PIWIL2: variants seen among roughly 807,000 people sequenced by gnomAD.
PIWIL2 encodes piwi like RNA-mediated gene silencing 2.
In PIWIL2, 81 loss-of-function variants were observed where a neutral mutation model predicts 116.5. The ratio of observed to expected loss-of-function variants is 0.70; its 90% CI spans 0.58 to 0.84. PIWIL2 has a LOEUF of 0.84. PIWIL2 is among the 40% of genes least tolerant of loss of function. The probability of loss-of-function intolerance (pLI) is 0.00; values close to 1 mark genes in which losing one functional copy is unlikely to be tolerated. For synonymous variants in PIWIL2, 489 were observed against 429.5 expected (o/e 1.14, Z -1.71); for missense variants, 1,272 against 1,212.3 (o/e 1.05, Z -0.73).
intron 20 of PIWIL2, among the ~76,000 whole-genome samples, chr8:22,339,080 AAG>A (rs1350145907): frequency 1.3e-5 from 2 of 152,228 alleles, no homozygotes; most frequent in Non-Finnish European, 2.9e-5. Context: ...CGGTGGGGGA[AAG>A]AGTAATGTTT....
In PIWIL2 at chr8:22,340,478, A is replaced by G. The variant is rs148784043; in HGVS notation, c.2404-12481A>G. Among the ~76,000 whole-genome samples the G allele has an allele frequency of 1.2e-3, 185 of 152,078 alleles. 1 individual carries two copies. Among genetic ancestry groups the G allele is most frequent in the African/African-American group, 4.4e-3 (180 of 41,332 alleles). ...GCAGGGTCTTTGTAGATGTAATCAA[A>G]TTAAGATGAGGTAAGACCAGATTAG... On this transcript the variant is annotated intron_variant, in intron 20 of 22. Transcript: ENST00000356766.
chr8:22,337,662 G>A (rs747656475), intron 20 of PIWIL2, among the ~76,000 whole-genome samples: 19 of 151,918 alleles, frequency 1.3e-4, no homozygotes, highest in South Asian at 2.1e-4. Flanking sequence ...CCTGGGAGGC[G>A]GAGGTTGCAG....
intron 16 of PIWIL2, among the ~76,000 whole-genome samples, chr8:22,312,552 C>T (rs1831358788): frequency 6.6e-6 from 1 of 152,138 alleles, no homozygotes; most frequent in African/African-American, 2.4e-5. Flanking sequence ...AGGCGTGAGT[C>T]ACCATGCCCA....
chr8:22,301,237 C>T (rs570687502), intron 10 of PIWIL2, among the ~76,000 whole-genome samples: 34 of 152,172 alleles, frequency 2.2e-4, no homozygotes, highest in Non-Finnish European at 3.8e-4. Context: ...TCCTAAAGTG[C>T]CGGGATTACA....
intron 20 of PIWIL2, among the ~76,000 whole-genome samples, chr8:22,320,379 T>G (rs1831569978): frequency 1.4e-5 from 2 of 147,408 alleles, no homozygotes. Context: ...GCAATTCAAC[T>G]GCCTCAGCCT....
intron 16 of PIWIL2, among the ~76,000 whole-genome samples, chr8:22,312,478 C>G (rs979381886): frequency 6.6e-6 from 1 of 152,084 alleles, no homozygotes; most frequent in Admixed American, 6.6e-5. Flanking sequence ...GTTGCCCAGG[C>G]TGGTCTCGAG....
Position 22,281,510 on chromosome 8 carries a change from G to C in PIWIL2, c.420G>C (p.Trp140Cys). 1.3e-6 allele frequency: 2 copies of C among 1,570,120 alleles called. No homozygotes were observed. The highest frequency in any genetic ancestry group is 2.3e-5 in the East Asian group (1 of 43,766). ...AGATGGCAGAGACCTCCGTTGGTTG[G>C]AGTAGGTGGGTAAAGTTACCCTCTC... Reference protein sequence around the residue: ...DSKMAETSVGWSRTLGRGSSD... With the variant: ...DSKMAETSVGCSRTLGRGSSD... The change falls in exon 4 of 23, where the codon TGG becomes TGC. Residue 140 changes from tryptophan to cysteine, a missense_variant. Coordinates refer to ENST00000356766, the MANE Select transcript of PIWIL2 (RefSeq NM_018068.5).
intron 10 of PIWIL2, among the ~76,000 whole-genome samples, chr8:22,297,373 G>A (rs188533900): frequency 2.6e-5 from 4 of 152,154 alleles, no homozygotes; most frequent in African/African-American, 9.6e-5. Context: ...CTTCTACATC[G>A]GCCCCCTAAA....
Position 22,314,420 on chromosome 8 carries a change from G to A in PIWIL2, c.2082G>A (p.Val694=), listed in dbSNP as rs1831404468. Residue 694 remains valine (V), a synonymous_variant, in exon 17 of 23, where the codon GTG becomes GTA. Transcript: ENST00000356766. ...IKKLCCVQSP[V]PSQVVNVRTI... is the part of the protein sequence containing the mutation. ...AGCTGTGCTGTGTGCAGTCCCCAGT[G>A]CCCTCCCAGGTGAGTGGGTGTTGGG... 2 of 1,556,656 alleles carry A rather than the reference G, an allele frequency of 1.3e-6. No homozygotes were observed. The highest frequency in any genetic ancestry group is 1.4e-5 in the African/African-American group (1 of 72,812).
In PIWIL2 at chr8:22,304,839, C is replaced by T; in HGVS notation, c.1426C>T (p.Pro476Ser). The change falls in exon 12 of 23, where the codon CCC becomes TCC. Residue 476 changes from proline (P) to serine (S), a missense_variant. Coordinates refer to ENST00000356766, the MANE Select transcript of PIWIL2 (RefSeq NM_018068.5). The stretch of plus-strand genomic sequence containing the variant: ...GGACCAGCCATTGCTGATTCACAGG[C>T]CCAGTGAGAGACAGGATAATCATGG... The part of the protein sequence containing the change: ...EEDQPLLIHR[P>S]SERQDNHGML... 1 of 1,611,704 alleles carries T rather than the reference C, an allele frequency of 6.2e-7. No homozygotes were observed. Among genetic ancestry groups the T allele is most frequent in the South Asian group, 1.1e-5 (1 of 91,006 alleles).
intron 22 of PIWIL2, 94 bp downstream of exon 22, chr8:22,354,472 C>A: frequency 1.5e-6 from 1 of 686,544 alleles, no homozygotes; most frequent in Non-Finnish European, 2.6e-6. Flanking sequence ...ATATATTTAC[C>A]TCTTGACTTT....
intron 20 of PIWIL2, among the ~76,000 whole-genome samples, chr8:22,349,444 T>TATATATATATAA (rs1208817650): frequency 1.4e-5 from 2 of 147,236 alleles, no homozygotes; most frequent in Non-Finnish European, 3.0e-5. Context: ...TATATATATA[T>TATATATATATAA]AAATTTTACT....
intron 17 of PIWIL2, among the ~76,000 whole-genome samples, 169 bp downstream of exon 17, chr8:22,314,598 T>C (rs986643515): frequency 3.3e-5 from 5 of 152,190 alleles, no homozygotes; most frequent in Non-Finnish European, 7.3e-5. Flanking sequence ...AAAGAGTAGA[T>C]TGCTCTTCAT....
At position 22,334,563 on chromosome 8, in the gene PIWIL2, A is replaced by G. The variant is rs540056375; in HGVS notation, c.2403+16288A>G. On this transcript the variant is annotated intron_variant, in intron 20 of 22. Transcript: ENST00000356766. ...GAAAATACAAAATTTGGTAATTTTG[A>G]TAGGTACATGACTTTGTCAATACTA... Among the ~76,000 whole-genome samples the G allele has an allele frequency of 4.4e-4, 66 of 151,300 alleles. 2 individuals are homozygous for G. The highest frequency in any genetic ancestry group is 1.6e-3 in the African/African-American group (66 of 41,330).
intron 20 of PIWIL2, among the ~76,000 whole-genome samples, chr8:22,327,358 T>G (rs1461558148): frequency 1.3e-5 from 2 of 148,462 alleles, no homozygotes; most frequent in African/African-American, 2.5e-5. Context: ...TTTTGTGGGG[T>G]TTTTTGTTTC....
chr8:22,315,194 A>T, intron 18 of PIWIL2, 49 bp downstream of exon 18: 1 of 1,025,912 alleles, frequency 9.7e-7, no homozygotes, highest in Non-Finnish European at 1.5e-6. Flanking sequence ...GAATCCTCCA[A>T]GCTGTTTTCC....
intron 15 of PIWIL2, 88 bp from the exon 16 acceptor site, chr8:22,311,024 A>G: frequency 8.8e-7 from 1 of 1,135,656 alleles, no homozygotes; most frequent in Non-Finnish European, 1.3e-6. Context: ...GAGAGTGAAA[A>G]GTAATTTATT....
At chr8:22,344,018 A>G (rs943734945) in intron 20 of PIWIL2, among the ~76,000 whole-genome samples, 2 of 152,232 alleles carry the variant, frequency 1.3e-5, no homozygotes, top group Admixed American at 6.5e-5. Context: ...ATAAACTGTC[A>G]TGCATCCAGA....
chr8:22,286,150 G>A (rs920662133), intron 6 of PIWIL2, among the ~76,000 whole-genome samples: 1 of 152,164 alleles, frequency 6.6e-6, no homozygotes, highest in Non-Finnish European at 1.5e-5. Flanking sequence ...GGTTGACTTT[G>A]GCCACAGGAA....
Sources: allele counts gnomAD v4.1 joint callset (sites outside exome capture counted in the v4.1 genomes callset), GRCh38; gene constraint gnomAD v4.1.1; transcripts MANE v1.5; gene names NCBI Gene and HGNC (gene_info 2026-07-23, HGNC 2026-07-21).